The following CYFIP1 variants were observed in gnomAD, a reference collection of about 807,000 sequenced individuals.
CYFIP1 encodes cytoplasmic FMR1-interacting protein 1.
CYFIP1 carries 58 observed loss-of-function variants against 163.5 expected under a neutral mutation model. That is an observed-to-expected ratio of 0.35 (90% CI 0.29 to 0.44). CYFIP1 has a LOEUF of 0.44. Among genes scored for constraint, CYFIP1 ranks in the 20% least tolerant of loss-of-function variants. The pLI, the probability that CYFIP1 is intolerant of heterozygous loss-of-function variation, is 1.00. For synonymous variants in CYFIP1, 663 were observed against 660.7 expected (o/e 1.00, Z -0.05); for missense variants, 1,338 against 1,653.8 (o/e 0.81, Z 3.31).
At chr15:22,877,590 T>TG (rs1466209139) in intron 26 of CYFIP1, among the ~76,000 whole-genome samples, 1 of 128,576 alleles carries the variant, frequency 7.8e-6, no homozygotes. Context: ...CACAATTATT[T>TG]GGGGAACATG....
At position 22,869,919 on chromosome 15, in the gene CYFIP1, C is replaced by T; in HGVS notation, c.*109G>A. The T allele has an allele frequency of 1.0e-6, 1 of 968,830 alleles. No individual in the cohort carries two copies. Among genetic ancestry groups the T allele is most frequent in the East Asian group, 3.3e-5 (1 of 30,626 alleles). 60.0% of individuals were successfully genotyped at this position (968,830 alleles called of 1,614,324 possible). A position where few individuals can be genotyped will look rare whatever the true frequency, so the allele number is the denominator to read the frequency against. On this transcript the variant is annotated 3_prime_UTR_variant, in exon 31 of 31. Transcript: ENST00000617928. Reference sequence around the variant, plus strand: ...ATTAAGTTTTTAGATCGAAAAGCACCCCCTTTAACAGGTACAGAGATACTG... The same window carrying T: ...ATTAAGTTTTTAGATCGAAAAGCACTCCCTTTAACAGGTACAGAGATACTG...
chr15:22,952,243 T>C lies in CYFIP1; in HGVS notation c.-6-4952A>G, dbSNP rs191059840. ...AGGGGCTGCGTGCTGGGCTGGGGAG[T>C]TGGTGTTTAGTGGATACAGAGTTTC... On this transcript the variant is annotated intron_variant, in intron 1 of 30. Transcript: ENST00000617928. Among the ~76,000 whole-genome samples the C allele has an allele frequency of 2.8e-3, 420 of 151,080 alleles. 3 individuals carry two copies. The highest frequency in any genetic ancestry group is 9.8e-3 in the African/African-American group (404 of 41,118).
At chr15:22,893,544 A>C (rs142833282) in intron 22 of CYFIP1, among the ~76,000 whole-genome samples, 3 of 152,374 alleles carry the variant, frequency 2.0e-5, no homozygotes, top group Admixed American at 6.5e-5. Flanking sequence ...TTTGCAAAGA[A>C]GTATAAGAAA....
At chr15:22,958,371 G>GGAT (rs1252320757) in intron 1 of CYFIP1, among the ~76,000 whole-genome samples, 9 of 152,270 alleles carry the variant, frequency 5.9e-5, no homozygotes, top group African/African-American at 1.9e-4. Flanking sequence ...CAGGTGTGAG[G>GGAT]TAATCTGCTT....
intron 18 of CYFIP1, among the ~76,000 whole-genome samples, 171 bp from the exon 19 acceptor site, chr15:22,910,984 A>T (rs1409504908): frequency 6.6e-6 from 1 of 151,876 alleles, no homozygotes; most frequent in African/African-American, 2.4e-5. Flanking sequence ...ATCTTGGCTC[A>T]CTGCAATCTC....
Position 22,869,955 on chromosome 15 carries a change from C to G in CYFIP1, c.*73G>C. The G allele has an allele frequency of 1.4e-6, 2 of 1,388,254 alleles. No individual in the cohort carries two copies. Among genetic ancestry groups the G allele is most frequent in the East Asian group, 5.4e-5 (2 of 37,050 alleles). The allele number at this position is 1,388,254 out of a possible 1,614,324, so 86.0% of individuals were successfully genotyped here. ...GGTACAGAGATACTGAAAAATAGTCCCTAAAAATCTCACTAAATAGTTTAC... is the reference window on the plus strand; with the variant it reads ...GGTACAGAGATACTGAAAAATAGTCGCTAAAAATCTCACTAAATAGTTTAC... On this transcript the variant is annotated 3_prime_UTR_variant, in exon 31 of 31. Transcript: ENST00000617928.
At chr15:22,923,808 T>G in intron 13 of CYFIP1, among the ~76,000 whole-genome samples, 1 of 151,364 alleles carries the variant, frequency 6.6e-6, no homozygotes, top group Middle Eastern at 3.2e-3. Context: ...TCAGGCATGG[T>G]GGTTTGTGCC....
intron 17 of CYFIP1, 65 bp downstream of exon 17, chr15:22,914,661 C>T (rs1283963599): frequency 4.7e-6 from 7 of 1,504,488 alleles, no homozygotes; most frequent in Non-Finnish European, 4.5e-6. Flanking sequence ...GCCTCTCCGC[C>T]ACCTCCTCTG....
chr15:22,960,101 C>G (rs1215415803), intron 1 of CYFIP1, among the ~76,000 whole-genome samples: 1 of 152,208 alleles, frequency 6.6e-6, no homozygotes, highest in African/African-American at 2.4e-5. Flanking sequence ...CCGAGTGTCT[C>G]CCGGGCTCCA....
rs767800432 is a variant in CYFIP1 at position 22,918,672 on chromosome 15, A to C, written c.1526+20T>G. On this transcript the variant is annotated intron_variant, in intron 14 of 30. Coordinates refer to ENST00000617928, the MANE Select transcript of CYFIP1 (RefSeq NM_014608.6). ...GAGGACGTGTGGGCACAGCGGGCAC[A>C]GGGCGTGGGGAAGGCTGACCTCTGG... The C allele has an allele frequency of 1.9e-6, 3 of 1,549,872 alleles. No individual in the cohort carries two copies. The highest frequency in any genetic ancestry group is 2.6e-6 in the Non-Finnish European group (3 of 1,148,364).
At position 22,870,076 on chromosome 15, in the gene CYFIP1, A is replaced by G. The variant is rs780698264; in HGVS notation, c.3714T>C (p.His1238=). The G allele has an allele frequency of 3.7e-6, 6 of 1,612,150 alleles. No homozygotes were observed. The highest frequency in any genetic ancestry group is 2.2e-5 in the South Asian group (2 of 90,592). ...SGDGEGTPVE[H]VRCFQPPIHQ... Reference sequence around the variant, plus strand: ...GGATGGGCGGCTGGAAGCAGCGCACATGCTCCACTGGCGTGCCCTCCCCGT... The same window carrying G: ...GGATGGGCGGCTGGAAGCAGCGCACGTGCTCCACTGGCGTGCCCTCCCCGT... Residue 1238 remains histidine (H), a synonymous_variant, in exon 31 of 31, where the codon CAT becomes CAC. Coordinates refer to ENST00000617928, the MANE Select transcript of CYFIP1 (RefSeq NM_014608.6).
At chr15:22,912,149 T>C (rs921798517) in intron 18 of CYFIP1, 30 bp downstream of exon 18, 1 of 1,549,838 alleles carries the variant, frequency 6.5e-7, no homozygotes, top group Admixed American at 1.9e-5. Flanking sequence ...TTGAAGGAAA[T>C]GAACAGAAAT....
Position 22,867,398 on chromosome 15 carries a change from A to G in CYFIP1, c.*2630T>C. 1 of 385,586 alleles carries G rather than the reference A, an allele frequency of 2.6e-6. No homozygotes were observed. The highest frequency in any genetic ancestry group is 4.6e-6 in the Non-Finnish European group (1 of 218,850). 23.9% of individuals were successfully genotyped at this position (385,586 alleles called of 1,614,324 possible). On this transcript the variant is annotated 3_prime_UTR_variant, in exon 31 of 31. Transcript: ENST00000617928. ...ACCTCTTTCTTACAAAACAAAAAAA[A>G]GGGCAGAAATCACCCCAAGGAACGA...
At chr15:22,871,314 G>T (rs1258264904) in intron 30 of CYFIP1, among the ~76,000 whole-genome samples, 1 of 152,170 alleles carries the variant, frequency 6.6e-6, no homozygotes, top group Non-Finnish European at 1.5e-5. Flanking sequence ...AGAAATAAGA[G>T]ATGGAAAAAG....
chr15:22,874,597 C>A lies in CYFIP1; in HGVS notation c.3163G>T (p.Ala1055Ser). 1 of 1,606,924 alleles carries A rather than the reference C, an allele frequency of 6.2e-7. No homozygotes were observed. The highest frequency in any genetic ancestry group is 8.5e-7 in the Non-Finnish European group (1 of 1,177,368). The change falls in exon 28 of 31, where the codon GCC (alanine) becomes TCC (serine). Residue 1055 changes from alanine to serine, a missense_variant. Coordinates refer to ENST00000617928, the MANE Select transcript of CYFIP1 (RefSeq NM_014608.6). ...ATCAGTGGGACAAGATGCAGCGGGGCGTACTTTGATTCTAGTCTTTTCATT... is the reference window on the plus strand; with the variant it reads ...ATCAGTGGGACAAGATGCAGCGGGGAGTACTTTGATTCTAGTCTTTTCATT... ...AKMKRLESKY[A>S]PLHLVPLIER...
At chr15:22,946,302 CAA>C (rs113634313) in intron 3 of CYFIP1, among the ~76,000 whole-genome samples, 1 of 131,476 alleles carries the variant, frequency 7.6e-6, no homozygotes. Context: ...GAGACCATCT[CAA>C]AAAAAAAAAA....
At position 22,880,047 on chromosome 15, in the gene CYFIP1, C is replaced by T. The variant is rs545154997; in HGVS notation, c.2912-4G>A. 4.7e-5 allele frequency: 76 copies of T among 1,611,002 alleles called. No individual in the cohort carries two copies. Among genetic ancestry groups the T allele is most frequent in the South Asian group, 2.0e-4 (18 of 91,016 alleles). On this transcript the variant is annotated splice_polypyrimidine_tract_variant and splice_region_variant and intron_variant, in intron 25 of 30. Transcript: ENST00000617928. The stretch of plus-strand genomic sequence containing the variant: ...TGGTGGAAGAACTCCAGGATACCTA[C>T]GGTGGCGGGAGTGAGGTGGGGTTGG...
Position 22,875,179 on chromosome 15 carries a change from G to A in CYFIP1, c.3115+20C>T. On this transcript the variant is annotated intron_variant, in intron 27 of 30. Coordinates refer to ENST00000617928, the MANE Select transcript of CYFIP1 (RefSeq NM_014608.6). ...CACAGAGGGCAGTCTGGACTCCCTG[G>A]TGGGGGTCAGCAGGCTCACCTTTCA... 3 of 1,612,984 alleles carry A rather than the reference G, an allele frequency of 1.9e-6. No homozygotes were observed. Among genetic ancestry groups the A allele is most frequent in the East Asian group, 2.2e-5 (1 of 44,872 alleles).
At chr15:22,973,918 G>GA (rs2063183421) in intron 1 of CYFIP1, among the ~76,000 whole-genome samples, 1 of 152,154 alleles carries the variant, frequency 6.6e-6, no homozygotes, top group Non-Finnish European at 1.5e-5. Flanking sequence ...ACAGGTGTAT[G>GA]AAAAAATGCT....
Sources: gnomAD v4.1 joint callset for allele counts (sites outside exome capture counted in the v4.1 genomes callset) on GRCh38, gnomAD v4.1.1 for gene constraint, MANE v1.5 for transcripts, NCBI Gene and HGNC (gene_info 2026-07-23, HGNC 2026-07-21) for gene names.